ZNF700: variants seen among roughly 807,000 people sequenced by gnomAD.
ZNF700 encodes zinc finger protein 700.
Under a neutral mutation model 65.3 loss-of-function variants are expected in ZNF700, and 38 were observed. The ratio of observed to expected loss-of-function variants is 0.58; its 90% confidence interval spans 0.45 to 0.76. The LOEUF is 0.76. Ranked by LOEUF, ZNF700 falls within the 30% of genes least tolerant of loss-of-function variation. The pLI, the probability that ZNF700 is intolerant of heterozygous loss-of-function variation, is 0.00. For synonymous variants in ZNF700, 285 were observed against 290.4 expected, an observed-to-expected ratio of 0.98 and a Z score of 0.19; for missense variants, 857 against 888.4, an observed-to-expected ratio of 0.96 and a Z score of 0.45.
chr19:11,940,515 C>A (rs1441625581), intron 1 of ZNF700, among the ~76,000 whole-genome samples: 2 of 152,024 alleles, frequency 1.3e-5, no homozygotes, highest in Non-Finnish European at 2.9e-5. Context: ...TTCGTTCCTC[C>A]TGGTGGGCTC....
At chr19:11,929,311 G>GT in intron 1 of ZNF700, among the ~76,000 whole-genome samples, 1 of 148,150 alleles carries the variant, frequency 6.7e-6, no homozygotes, top group East Asian at 1.9e-4. Context: ...TTACAGACAT[G>GT]TGCCACCACA....
At chr19:11,943,671 G>T (rs1291379230) in intron 1 of ZNF700, among the ~76,000 whole-genome samples, 1 of 152,178 alleles carries the variant, frequency 6.6e-6, no homozygotes, top group African/African-American at 2.4e-5. Context: ...TCCTTTTAAA[G>T]TTCCTAGGCA....
Position 11,944,944 on chromosome 19 carries a change from A to T in ZNF700, c.64-2237A>T, listed in dbSNP as rs139155461. Among the ~76,000 whole-genome samples, 385 of 152,282 alleles carry T rather than the reference A, an allele frequency of 2.5e-3. 3 individuals are homozygous for T. Among genetic ancestry groups the T allele is most frequent in the Middle Eastern group, 0.017 (5 of 294 alleles). On this transcript the variant is annotated intron_variant, in intron 1 of 3. Transcript: ENST00000254321. ...GCAGCTGTGGCACAGCTACTCTCCC[A>T]TCCAGTAACCACATCCATCCTTCTT...
In ZNF700 at chr19:11,950,004, C is replaced by T. The variant is rs760093126; in HGVS notation, c.1980C>T (p.Phe660=). Residue 660 remains phenylalanine (F), a synonymous_variant, in exon 4 of 4, where the codon TTC becomes TTT. Coordinates refer to ENST00000254321, the MANE Select transcript of ZNF700 (RefSeq NM_144566.3). ...AATGCGAAAAAGCATTCTGTAAATTCTCTTCTTTTCAAATACATGAAAGGA... is the reference window on the plus strand; with the variant it reads ...AATGCGAAAAAGCATTCTGTAAATTTTCTTCTTTTCAAATACATGAAAGGA... The part of the protein sequence containing the change: ...CKECEKAFCK[F]SSFQIHERKH... The T allele has an allele frequency of 1.9e-6, 3 of 1,613,910 alleles. No homozygotes were observed. The East Asian group carries it at 6.7e-5, about 36-fold the overall frequency.
chr19:11,947,687 C>A, intron 3 of ZNF700, 113 bp downstream of exon 3: 1 of 1,082,880 alleles, frequency 9.2e-7, no homozygotes, highest in Non-Finnish European at 1.4e-6. Context: ...TTCATTTCTT[C>A]TTAGAATATT....
At chr19:11,927,727 A>G (rs1166940937) in intron 1 of ZNF700, among the ~76,000 whole-genome samples, 2 of 152,198 alleles carry the variant, frequency 1.3e-5, no homozygotes, top group Non-Finnish European at 2.9e-5. Context: ...ACATATTGTT[A>G]TAGGTATTGG....
intron 1 of ZNF700, among the ~76,000 whole-genome samples, chr19:11,936,389 G>A (rs879578033): frequency 7.9e-5 from 12 of 152,204 alleles, no homozygotes; most frequent in South Asian, 4.1e-4. Context: ...TCTAACTGGC[G>A]TGAGATGGTA....
At chr19:11,938,064 T>C (rs1024770493) in intron 1 of ZNF700, among the ~76,000 whole-genome samples, 15 of 152,012 alleles carry the variant, frequency 9.9e-5, no homozygotes, top group African/African-American at 3.6e-4. Flanking sequence ...ATTTATTCAT[T>C]CTTGTCGTTT....
Position 11,949,442 on chromosome 19 carries a change from C to G in ZNF700, c.1418C>G (p.Pro473Arg). Residue 473 changes from proline to arginine, a missense_variant, in exon 4 of 4, where the codon CCC becomes CGC. By Grantham distance (103) the Pro-to-Arg change is moderately radical. Coordinates refer to ENST00000254321, the MANE Select transcript of ZNF700 (RefSeq NM_144566.3). ...GGTAGGACTCATACTGGAGAGAAAC[C>G]CTATGAATGTAAGGAATGTGGGAAA... ...VHGRTHTGEK[P>R]YECKECGKAF... 2 of 1,612,704 alleles carry G rather than the reference C, an allele frequency of 1.2e-6. No homozygotes were observed. Among genetic ancestry groups the G allele is most frequent in the South Asian group, 1.1e-5 (1 of 90,910 alleles).
chr19:11,928,452 G>C (rs1027348467), intron 1 of ZNF700, among the ~76,000 whole-genome samples: 4 of 149,938 alleles, frequency 2.7e-5, no homozygotes, highest in Non-Finnish European at 5.9e-5. Context: ...TAGTCTCTGG[G>C]CCGGGCGCGG....
At chr19:11,934,988 T>C (rs1001338425) in intron 1 of ZNF700, among the ~76,000 whole-genome samples, 1 of 146,398 alleles carries the variant, frequency 6.8e-6, no homozygotes, top group Non-Finnish European at 1.5e-5. Context: ...CCATCCTGGC[T>C]AACACTGTGA....
chr19:11,947,160 T>C (rs1972972419), intron 1 of ZNF700, 21 bp from the exon 2 acceptor site: 3 of 1,611,172 alleles, frequency 1.9e-6, no homozygotes, highest in South Asian at 2.2e-5. Context: ...CATCTTCCTC[T>C]ACACATGTGA....
intron 1 of ZNF700, among the ~76,000 whole-genome samples, chr19:11,938,542 T>A (rs1412104400): frequency 6.6e-6 from 1 of 152,210 alleles, no homozygotes; most frequent in Non-Finnish European, 1.5e-5. Context: ...GCTTCATCCA[T>A]GTCCCTACAA....
chr19:11,942,614 T>G (rs1353594404), intron 1 of ZNF700, among the ~76,000 whole-genome samples: 1 of 152,164 alleles, frequency 6.6e-6, no homozygotes, highest in African/African-American at 2.4e-5. Flanking sequence ...TACACAGGGA[T>G]CCACATGAAA....
At chr19:11,937,733 C>G (rs923819839) in intron 1 of ZNF700, among the ~76,000 whole-genome samples, 1 of 152,024 alleles carries the variant, frequency 6.6e-6, no homozygotes, top group African/African-American at 2.4e-5. Flanking sequence ...CATGATCTGC[C>G]TGCCTCAGCC....
At chr19:11,929,671 A>G (rs957877801) in intron 1 of ZNF700, among the ~76,000 whole-genome samples, 2 of 147,516 alleles carry the variant, frequency 1.4e-5, no homozygotes, top group Non-Finnish European at 2.9e-5. Context: ...TGTTATTTAA[A>G]TTTTTCCACA....
At chr19:11,927,422 T>TTAAATAAATAAA (rs57120234) in intron 1 of ZNF700, among the ~76,000 whole-genome samples, 180 of 143,122 alleles carry the variant, frequency 1.3e-3, no homozygotes, top group East Asian at 2.0e-3. Flanking sequence ...CTGTCTCTAT[T>TTAAATAAATAAA]TAAATAAATA....
chr19:11,944,965 T>A (rs1972938268), intron 1 of ZNF700, among the ~76,000 whole-genome samples: 1 of 152,244 alleles, frequency 6.6e-6, no homozygotes, highest in Non-Finnish European at 1.5e-5. Flanking sequence ...ACATCCATCC[T>A]TCTTCCATCA....
intron 1 of ZNF700, among the ~76,000 whole-genome samples, chr19:11,929,992 GAGTTTT>G (rs1299270689): frequency 6.8e-6 from 1 of 148,042 alleles, no homozygotes; most frequent in Non-Finnish European, 1.5e-5. Context: ...TCCAGATTTT[GAGTTTT>G]AGAACTGCCT....
Sources: gnomAD v4.1 joint callset for allele counts (sites outside exome capture counted in the v4.1 genomes callset) on GRCh38, gnomAD v4.1.1 for gene constraint, MANE v1.5 for transcripts, NCBI Gene and HGNC (gene_info 2026-07-23, HGNC 2026-07-21) for gene names.